The following GRIK2 variants were observed in gnomAD, a reference collection of about 807,000 sequenced individuals.
The protein encoded by GRIK2 is glutamate receptor ionotropic, kainate 2.
A neutral mutation model predicts 100.3 loss-of-function variants in GRIK2; 32 were observed. The ratio of observed to expected loss-of-function variants is 0.32; its 90% CI spans 0.24 to 0.43. The LOEUF is 0.43. Ranked by LOEUF, GRIK2 falls within the 20% of genes least tolerant of loss-of-function variation. The pLI is 1.00. For missense variants in GRIK2, 843 were observed against 1,114.9 expected (o/e 0.76, Z 3.47); for synonymous variants, 417 against 389.4 (o/e 1.07, Z -0.83).
intron 11 of GRIK2, among the ~76,000 whole-genome samples, chr6:101,862,146 T>C (rs1784768173): frequency 6.6e-6 from 1 of 152,284 alleles, no homozygotes; most frequent in South Asian, 2.1e-4. Context: ...TTTTGTTTTC[T>C]TTCCTGTAAT....
At chr6:101,742,874 C>T (rs933841832) in intron 7 of GRIK2, among the ~76,000 whole-genome samples, 1 of 152,180 alleles carries the variant, frequency 6.6e-6, no homozygotes, top group African/African-American at 2.4e-5. Context: ...AGACCCCCCA[C>T]TTCCCATCAT....
At position 101,852,451 on chromosome 6, in the gene GRIK2, C is replaced by T. The variant is rs546497861; in HGVS notation, c.1318-6836C>T. On this transcript the variant is annotated intron_variant, in intron 10 of 16. Transcript: ENST00000369134. ...GGAACTTACCTGTCTCAATTTTTTT[C>T]CTTCAAGTTCAGGTTTCCCTGGCTT... Among the ~76,000 whole-genome samples the T allele has an allele frequency of 3.3e-5, 5 of 152,146 alleles. No homozygotes were observed. The East Asian group carries it at 9.7e-4, about 29-fold the overall frequency.
At chr6:101,546,015 CT>C (rs752447747) in intron 2 of GRIK2, among the ~76,000 whole-genome samples, 160 of 151,920 alleles carry the variant, frequency 1.1e-3, no homozygotes, top group Non-Finnish European at 2.0e-3. Context: ...CCATTCATCT[CT>C]TCCATGCAGC....
In GRIK2 at chr6:101,810,440, G is replaced by A. The variant is rs868225175; in HGVS notation, c.1204-7930G>A. 3.3e-5 allele frequency among the ~76,000 whole-genome samples: 5 copies of A among 152,072 alleles called. 1 individual carries two copies. The Middle Eastern group carries it at 0.017, about 517-fold the overall frequency. On this transcript the variant is annotated intron_variant, in intron 9 of 16. Transcript: ENST00000369134. ...CATATTAGCACTATAGTTCTCGAAT[G>A]GTAAAATCCGAGATCCTATGCACAC... is the stretch of plus-strand genomic sequence containing the variant.
At chr6:101,621,345 G>A (rs564593102) in intron 2 of GRIK2, among the ~76,000 whole-genome samples, 10 of 152,092 alleles carry the variant, frequency 6.6e-5, no homozygotes, top group South Asian at 6.2e-4. Flanking sequence ...CTCAACTACT[G>A]GGGAGGCTGA....
intron 14 of GRIK2, among the ~76,000 whole-genome samples, chr6:101,961,286 T>C (rs765406735): frequency 3.9e-5 from 6 of 152,082 alleles, no homozygotes; most frequent in Non-Finnish European, 8.8e-5. Context: ...AACAGACAGC[T>C]TTGTGGCTCA....
chr6:101,932,888 A>G lies in GRIK2; in HGVS notation c.2085+4256A>G, dbSNP rs1044987899. ...GAAACTTGAGAGCCCAAGTTTCTAC[A>G]TTTACAGACTCAGTTCCTTCTACAC... On this transcript the variant is annotated intron_variant, in intron 14 of 16. Transcript: ENST00000369134. Among the ~76,000 whole-genome samples, 6 of 151,994 alleles carry G rather than the reference A, an allele frequency of 3.9e-5. No homozygotes were observed. The East Asian group carries it at 9.7e-4, about 25-fold the overall frequency.
intron 2 of GRIK2, among the ~76,000 whole-genome samples, chr6:101,454,760 A>G (rs766802710): frequency 1.3e-5 from 2 of 152,142 alleles, no homozygotes; most frequent in Non-Finnish European, 1.5e-5. Context: ...TCAGTGAGGC[A>G]TAAATCTTAC....
intron 2 of GRIK2, among the ~76,000 whole-genome samples, chr6:101,441,893 A>G (rs1770086092): frequency 6.6e-6 from 1 of 152,080 alleles, no homozygotes; most frequent in Non-Finnish European, 1.5e-5. Flanking sequence ...CCAAAGCTAC[A>G]GAACATAAGA....
intron 2 of GRIK2, among the ~76,000 whole-genome samples, chr6:101,459,976 C>T (rs146607149): frequency 5.3e-5 from 8 of 152,188 alleles, no homozygotes; most frequent in South Asian, 2.1e-4. Flanking sequence ...AGGCTGGTCT[C>T]GAACTTCCAA....
At chr6:101,981,675 T>C (rs764956150) in intron 14 of GRIK2, among the ~76,000 whole-genome samples, 3 of 151,684 alleles carry the variant, frequency 2.0e-5, no homozygotes, top group African/African-American at 7.3e-5. Context: ...AGGAGGGAGA[T>C]GGGGACAGAA....
intron 10 of GRIK2, among the ~76,000 whole-genome samples, chr6:101,858,386 C>CTTTTTTTTTTTTTTTT (rs780526806): frequency 2.2e-5 from 2 of 91,668 alleles, no homozygotes; most frequent in Admixed American, 1.2e-4. Context: ...ATTTTTTTTT[C>CTTTTTTTTTTTTTTTT]TTTTTTTTTT....
chr6:101,740,995 A>G (rs1222458984), intron 7 of GRIK2, among the ~76,000 whole-genome samples: 3 of 152,192 alleles, frequency 2.0e-5, no homozygotes, highest in Non-Finnish European at 2.9e-5. Context: ...TCAGCCTGAC[A>G]TCTGCAAATT....
intron 7 of GRIK2, chr6:101,744,981 T>C (rs1055934915): frequency 6.6e-6 from 1 of 152,086 alleles, no homozygotes; most frequent in Non-Finnish European, 1.5e-5. Flanking sequence ...AGCTTCCTTG[T>C]AGGTAAGGCA....
At chr6:101,563,663 A>G (rs1456782082) in intron 2 of GRIK2, among the ~76,000 whole-genome samples, 1 of 152,198 alleles carries the variant, frequency 6.6e-6, no homozygotes, top group Non-Finnish European at 1.5e-5. Flanking sequence ...AATATAAGGC[A>G]TCATACTTTA....
At chr6:101,564,276 G>A (rs1209181993) in intron 2 of GRIK2, among the ~76,000 whole-genome samples, 1 of 152,186 alleles carries the variant, frequency 6.6e-6, no homozygotes, top group African/African-American at 2.4e-5. Context: ...CTTGTGCACA[G>A]CTGTGGCATG....
At chr6:101,676,912 T>A in intron 5 of GRIK2, 108 bp downstream of exon 5, 1 of 610,512 alleles carries the variant, frequency 1.6e-6, no homozygotes, top group Admixed American at 3.8e-5. Flanking sequence ...TATAATAACC[T>A]TGATGTAATT....
intron 2 of GRIK2, among the ~76,000 whole-genome samples, chr6:101,574,022 T>C (rs1402247567): frequency 1.3e-5 from 2 of 152,040 alleles, no homozygotes; most frequent in African/African-American, 4.8e-5. Context: ...TTTTTACTTC[T>C]CTTTAATGCA....
chr6:101,981,791 G>A (rs1158205006), intron 14 of GRIK2, among the ~76,000 whole-genome samples: 1 of 151,682 alleles, frequency 6.6e-6, no homozygotes, highest in Non-Finnish European at 1.5e-5. Context: ...GATAAAATGG[G>A]CAAAGGAGAA....
Sources: gnomAD v4.1 joint callset for allele counts (sites outside exome capture counted in the v4.1 genomes callset) on GRCh38, gnomAD v4.1.1 for gene constraint, MANE v1.5 for transcripts, NCBI Gene and HGNC (gene_info 2026-07-23, HGNC 2026-07-21) for gene names.